The following RPA3 variants were observed in gnomAD, a reference collection of about 807,000 sequenced individuals.
RPA3 encodes replication protein A3, also known as replication protein A 14 kDa subunit.
In RPA3, 24 loss-of-function variants were observed where a neutral mutation model predicts 13.7. The ratio of observed to expected loss-of-function variants is 1.75; its 90% CI spans 1.27 to 2.46. The LOEUF (loss-of-function observed/expected upper bound fraction) is 2.46. Ranked by LOEUF, RPA3 falls within the 30% of genes most tolerant of loss-of-function variation. The pLI is 0.00. For missense variants in RPA3, 183 were observed against 151.0 expected, an observed-to-expected ratio of 1.21 and a Z score of -1.11; for synonymous variants, 59 against 51.2, an observed-to-expected ratio of 1.15 and a Z score of -0.65.
intron 4 of RPA3, among the ~76,000 whole-genome samples, chr7:7,650,722 T>C (rs1391702561): frequency 6.6e-6 from 1 of 152,258 alleles, no homozygotes; most frequent in Non-Finnish European, 1.5e-5. Flanking sequence ...AATCCAGCCA[T>C]TCTGCATCCT....
intron 4 of RPA3, among the ~76,000 whole-genome samples, chr7:7,666,783 G>A (rs916097205): frequency 6.6e-6 from 1 of 151,792 alleles, no homozygotes; most frequent in African/African-American, 2.4e-5. Flanking sequence ...TCCCATTTTT[G>A]TGGTTTGGAC....
rs928486460 is a variant in RPA3, at chr7:7,640,575, G to C, written c.-157C>G. The stretch of plus-strand genomic sequence containing the variant: ...GCGCGGAAACCTAAATCGCAATCGC[G>C]CTGTCTCTGAAAGGGGTGGAGAAGG... On this transcript the variant is annotated 5_prime_UTR_variant, in exon 5 of 8. Coordinates refer to ENST00000223129, the MANE Select transcript of RPA3 (RefSeq NM_002947.5). 1 of 670,430 alleles carries C rather than the reference G, an allele frequency of 1.5e-6. No homozygotes were observed. Among genetic ancestry groups the C allele is most frequent in the Non-Finnish European group, 2.6e-6 (1 of 384,410 alleles). 41.5% of individuals were successfully genotyped at this position (670,430 alleles called of 1,614,324 possible). A position where few individuals can be genotyped will look rare whatever the true frequency, so the allele number is the denominator to read the frequency against.
intron 4 of RPA3, among the ~76,000 whole-genome samples, chr7:7,642,975 T>C (rs1785009114): frequency 6.6e-6 from 1 of 152,220 alleles, no homozygotes; most frequent in Non-Finnish European, 1.5e-5. Flanking sequence ...TTGTTTGTTT[T>C]TGAGATTCAT....
At chr7:7,694,931 G>T (rs1311282011) in intron 2 of RPA3, among the ~76,000 whole-genome samples, 2 of 152,142 alleles carry the variant, frequency 1.3e-5, no homozygotes, top group African/African-American at 4.8e-5. Flanking sequence ...TCATACGGTA[G>T]TTCTATTTTT....
chr7:7,638,007 T>A, intron 6 of RPA3, 35 bp from the exon 7 acceptor site: 3 of 1,523,662 alleles, frequency 2.0e-6, no homozygotes, highest in Non-Finnish European at 2.7e-6. Context: ...TTTGGTGATA[T>A]CACATTTTCA....
Position 7,640,789 on chromosome 7 carries a change from T to A in RPA3, c.-371A>T, listed in dbSNP as rs1255752523. 6 of 213,228 alleles carry A rather than the reference T, an allele frequency of 2.8e-5. No homozygotes were observed. Among genetic ancestry groups the A allele is most frequent in the Admixed American group, 5.9e-5 (1 of 16,922 alleles). The allele number at this position is 213,228 out of a possible 1,614,324, so 13.2% of individuals were successfully genotyped here. ...GAAGTGGGGTGTGAAGCTCCGGTGC[T>A]GGTGCGGCGGGGGACTGCGGGGCCA... On this transcript the variant is annotated 5_prime_UTR_variant, in exon 5 of 8. Transcript: ENST00000223129.
Position 7,640,086 on chromosome 7 carries a change from CG to C in RPA3, c.99+233del, listed in dbSNP as rs1237065246. The stretch of plus-strand genomic sequence containing the variant: ...GTAAGCACGGCTAGAACGGAGGCGA[CG>C]GGCACTGGAATTTAGAACTCAGCAT... On this transcript the variant is annotated intron_variant, in intron 5 of 7. Coordinates refer to ENST00000223129, the MANE Select transcript of RPA3 (RefSeq NM_002947.5). 2.2e-5 allele frequency: 12 copies of C among 546,086 alleles called. No individual in the cohort carries two copies. The African/African-American group carries it at 2.3e-4, about 10-fold the overall frequency. 33.8% of individuals were successfully genotyped at this position (546,086 alleles called of 1,614,324 possible).
At chr7:7,717,927 G>A (rs899960561) in intron 1 of RPA3, among the ~76,000 whole-genome samples, 4 of 152,144 alleles carry the variant, frequency 2.6e-5, no homozygotes, top group African/African-American at 9.7e-5. Flanking sequence ...TAAACTTGAT[G>A]TTTAATTGTA....
intron 4 of RPA3, among the ~76,000 whole-genome samples, chr7:7,673,881 AAT>A (rs1342587054): frequency 6.6e-6 from 1 of 152,136 alleles, no homozygotes; most frequent in African/African-American, 2.4e-5. Context: ...AAATATGTTA[AAT>A]AGTGTTTCCT....
chr7:7,710,727 G>A (rs1304571570), intron 2 of RPA3, among the ~76,000 whole-genome samples: 1 of 152,198 alleles, frequency 6.6e-6, no homozygotes, highest in Non-Finnish European at 1.5e-5. Context: ...AGACGTATAT[G>A]TGCATAAAAC....
At chr7:7,713,182 CA>C (rs768521316) in intron 2 of RPA3, among the ~76,000 whole-genome samples, 94 of 143,648 alleles carry the variant, frequency 6.5e-4, no homozygotes, top group South Asian at 6.6e-4. Context: ...ACTAAAAATA[CA>C]AAAAAAAAAA....
At chr7:7,705,945 A>G (rs1239624166) in intron 2 of RPA3, among the ~76,000 whole-genome samples, 1 of 152,156 alleles carries the variant, frequency 6.6e-6, no homozygotes, top group East Asian at 1.9e-4. Flanking sequence ...CTATGAACCT[A>G]AAACTGCTCT....
intron 2 of RPA3, among the ~76,000 whole-genome samples, chr7:7,695,115 G>T (rs1364304222): frequency 1.3e-5 from 2 of 152,128 alleles, no homozygotes; most frequent in African/African-American, 4.8e-5. Context: ...TTGTAATTAT[G>T]ATTTGCTTTC....
intron 4 of RPA3, among the ~76,000 whole-genome samples, chr7:7,684,905 C>A (rs1780006008): frequency 6.6e-6 from 1 of 152,174 alleles, no homozygotes; most frequent in Admixed American, 6.5e-5. Flanking sequence ...TTCCATACAA[C>A]ATCTGTAGGG....
intron 2 of RPA3, among the ~76,000 whole-genome samples, chr7:7,707,168 C>A (rs984195949): frequency 4.3e-4 from 65 of 152,040 alleles, no homozygotes; most frequent in Admixed American, 4.2e-3. Flanking sequence ...AATAAACAGG[C>A]AAAATCAGTT....
Position 7,673,245 on chromosome 7 carries a change from C to G in RPA3, c.-758+12585G>C, listed in dbSNP as rs549220484. 6.2e-6 allele frequency: 6 copies of G among 974,176 alleles called. No individual in the cohort carries two copies. In the African/African-American group the frequency reaches 9.5e-5, roughly 15 times the overall value. The allele number at this position is 974,176 out of a possible 1,614,324, so 60.3% of individuals were successfully genotyped here. ...TTATATCGTTATGCTGAACTTTTTGCTAAAAAGGGTAAGAGTTTTACAGTT... is the reference window on the plus strand; with the variant it reads ...TTATATCGTTATGCTGAACTTTTTGGTAAAAAGGGTAAGAGTTTTACAGTT... On this transcript the variant is annotated intron_variant, in intron 4 of 7. Coordinates refer to ENST00000223129, the MANE Select transcript of RPA3 (RefSeq NM_002947.5).
chr7:7,668,815 T>A (rs1410986711), intron 4 of RPA3, among the ~76,000 whole-genome samples: 4 of 152,228 alleles, frequency 2.6e-5, no homozygotes, highest in Admixed American at 2.6e-4. Flanking sequence ...AGTTAAGTGC[T>A]ACAGCTGGCC....
rs186189192 is a variant in RPA3 at position 7,652,858 on chromosome 7, A to G, written c.-757-11683T>C. On this transcript the variant is annotated intron_variant, in intron 4 of 7. Transcript: ENST00000223129. The stretch of plus-strand genomic sequence containing the variant: ...GAAAGTCAAATAATTTTTAGTTGGC[A>G]GTTTAGGGAGTGATTCTTTCTGGAT... 1.2e-3 allele frequency among the ~76,000 whole-genome samples: 178 copies of G among 152,358 alleles called. 2 individuals carry two copies. The highest frequency in any genetic ancestry group is 4.7e-4 in the Non-Finnish European group (32 of 68,022).
chr7:7,648,995 TA>T, intron 4 of RPA3, among the ~76,000 whole-genome samples: 1 of 151,624 alleles, frequency 6.6e-6, no homozygotes, highest in Non-Finnish European at 1.5e-5. Flanking sequence ...CTGTCTCTAC[TA>T]AAAGTACAAA....
Sources: allele counts gnomAD v4.1 joint callset (sites outside exome capture counted in the v4.1 genomes callset), GRCh38; gene constraint gnomAD v4.1.1; transcripts MANE v1.5; gene names NCBI Gene and HGNC (gene_info 2026-07-23, HGNC 2026-07-21).